The following KAZN variants were observed in gnomAD, a reference collection of about 807,000 sequenced individuals.
KAZN encodes the protein kazrin, periplakin interacting protein.
Under a neutral mutation model 87.4 loss-of-function variants are expected in KAZN, and 40 were observed. That is an observed-to-expected ratio of 0.46 (90% CI 0.36 to 0.60). The LOEUF (loss-of-function observed/expected upper bound fraction) is 0.60. Among genes scored for constraint, KAZN ranks in the 20% least tolerant of loss-of-function variants. The probability of loss-of-function intolerance (pLI) is 0.00; values close to 1 mark genes in which losing one functional copy is unlikely to be tolerated. For missense variants in KAZN, 898 were observed against 1,073.9 expected, an observed-to-expected ratio of 0.84 and a Z score of 2.29; for synonymous variants, 466 against 458.3, an observed-to-expected ratio of 1.02 and a Z score of -0.22.
intron 2 of KAZN, among the ~76,000 whole-genome samples, chr1:14,593,433 G>A (rs1263202589): frequency 6.6e-6 from 1 of 152,210 alleles, no homozygotes; most frequent in Non-Finnish European, 1.5e-5. Context: ...GGGGAGGGAC[G>A]GAGTAGTTTT....
intron 10 of KAZN, 43 bp from the exon 11 acceptor site, chr1:15,101,483 TCCGTCTGTTTCTGCCGC>T: frequency 8.6e-7 from 1 of 1,160,918 alleles, no homozygotes; most frequent in Non-Finnish European, 1.3e-6. Context: ...TTTCTGCCCG[TCCGTCTGTTTCTGCCGC>T]CTTTCCCCAC....
Position 14,653,601 on chromosome 1 carries a change from C to CA in KAZN, c.226+54384dup, listed in dbSNP as rs145356780. On this transcript the variant is annotated intron_variant, in intron 1 of 14. Transcript: ENST00000376030. ...CAGATTTGTTTAAAAGGATGAAAAA[C>CA]AAAAAACACTGTTCAAGCCAAACAA... Among the ~76,000 whole-genome samples the CA allele has an allele frequency of 3.9e-3, 588 of 152,226 alleles. 5 individuals carry two copies. The highest frequency in any genetic ancestry group is 0.014 in the African/African-American group (564 of 41,534).
chr1:14,221,824 C>T (rs1013637060), intron 2 of KAZN: 10 of 152,108 alleles, frequency 6.6e-5, no homozygotes, highest in Admixed American at 1.3e-4. Flanking sequence ...ATGCCCATGT[C>T]CCCTTAAATC....
At chr1:14,984,510 A>T (rs557586449) in intron 2 of KAZN, among the ~76,000 whole-genome samples, 11 of 152,330 alleles carry the variant, frequency 7.2e-5, no homozygotes, top group African/African-American at 2.6e-4. Context: ...TGGGGCCATC[A>T]TTATGCTCTT....
intron 2 of KAZN, among the ~76,000 whole-genome samples, chr1:14,338,731 A>G (rs544888165): frequency 6.6e-6 from 1 of 152,354 alleles, no homozygotes; most frequent in African/African-American, 2.4e-5. Context: ...AGGAAGCACC[A>G]AGGTCTTCTG....
At chr1:14,828,393 A>C (rs1052288960) in intron 1 of KAZN, among the ~76,000 whole-genome samples, 1 of 152,196 alleles carries the variant, frequency 6.6e-6, no homozygotes, top group Non-Finnish European at 1.5e-5. Context: ...TTAATGGAAA[A>C]CCGTGTTTAA....
chr1:14,774,178 G>C (rs1572447438), intron 1 of KAZN, among the ~76,000 whole-genome samples: 1 of 152,192 alleles, frequency 6.6e-6, no homozygotes, highest in Non-Finnish European at 1.5e-5. Context: ...GAGGCAGTCT[G>C]GGGGTGAAAC....
At chr1:14,687,140 T>G (rs978966302) in intron 1 of KAZN, among the ~76,000 whole-genome samples, 1 of 152,166 alleles carries the variant, frequency 6.6e-6, no homozygotes, top group Non-Finnish European at 1.5e-5. Flanking sequence ...TACCCTCCCT[T>G]ATTTTCACTG....
At chr1:14,019,437 G>C (rs7551030) in intron 1 of KAZN, among the ~76,000 whole-genome samples, 3,371 of 152,214 alleles carry the variant, frequency 0.022, 116 homozygotes, top group African/African-American at 0.076. Flanking sequence ...GGTATTTATG[G>C]TCACTCTTTT....
In KAZN at chr1:14,691,032, G is replaced by A. The variant is rs562200229; in HGVS notation, c.226+91809G>A. On this transcript the variant is annotated intron_variant, in intron 1 of 14. Coordinates refer to ENST00000376030, the MANE Select transcript of KAZN (RefSeq NM_201628.3). ...ATCTCAGGTGTATAGAGATAATTAT[G>A]TGGCAATTAAAGGCAAATGTATACT... is the stretch of plus-strand genomic sequence containing the variant. 3.0e-4 allele frequency among the ~76,000 whole-genome samples: 45 copies of A among 152,320 alleles called. 1 individual carries two copies. Among genetic ancestry groups the A allele is most frequent in the African/African-American group, 1.0e-3 (43 of 41,566 alleles).
At chr1:15,011,793 T>G (rs897119977) in intron 2 of KAZN, among the ~76,000 whole-genome samples, 1 of 152,144 alleles carries the variant, frequency 6.6e-6, no homozygotes, top group African/African-American at 2.4e-5. Flanking sequence ...TGTGTCCTCA[T>G]GTAGCCAACA....
intron 2 of KAZN, among the ~76,000 whole-genome samples, chr1:14,210,164 G>A (rs1215376301): frequency 6.6e-6 from 1 of 152,200 alleles, no homozygotes; most frequent in Non-Finnish European, 1.5e-5. Flanking sequence ...CACAGTGGGA[G>A]GTAATTGAAT....
intron 1 of KAZN, among the ~76,000 whole-genome samples, chr1:13,957,526 T>C (rs766654178): frequency 3.3e-5 from 5 of 152,056 alleles, no homozygotes; most frequent in Admixed American, 2.6e-4. Flanking sequence ...GTAATTTGCA[T>C]AGAAAAAAAT....
At chr1:14,014,611 C>T (rs938001195) in intron 1 of KAZN, among the ~76,000 whole-genome samples, 1 of 152,084 alleles carries the variant, frequency 6.6e-6, no homozygotes, top group African/African-American at 2.4e-5. Flanking sequence ...GGAAAAAAAT[C>T]AAAAGAAGAA....
At chr1:14,857,355 A>G (rs1650257596) in intron 1 of KAZN, among the ~76,000 whole-genome samples, 1 of 152,112 alleles carries the variant, frequency 6.6e-6, no homozygotes, top group South Asian at 2.1e-4. Context: ...TAGCCTTAGC[A>G]ACATAGTGAA....
At position 14,642,853 on chromosome 1, in the gene KAZN, C is replaced by G. The variant is rs544716945; in HGVS notation, c.226+43630C>G. ...AAATATAAGGGTTTAAAAAAAATGG[C>G]CTAAATGAAAAAGACAGACAATACT... is the stretch of plus-strand genomic sequence containing the variant. On this transcript the variant is annotated intron_variant, in intron 1 of 14. Transcript: ENST00000376030. Among the ~76,000 whole-genome samples, 93 of 152,138 alleles carry G rather than the reference C, an allele frequency of 6.1e-4. 1 individual carries two copies. The highest frequency in any genetic ancestry group is 2.2e-3 in the Admixed American group (33 of 15,284).
At position 15,012,660 on chromosome 1, in the gene KAZN, G is replaced by A. The variant is rs373141311; in HGVS notation, c.419-22089G>A. On this transcript the variant is annotated intron_variant, in intron 2 of 14. Transcript: ENST00000376030. The stretch of plus-strand genomic sequence containing the variant: ...ATCATGGCCCGGCGTGGTTGCTCAC[G>A]CCTGTAATCCCAGCACTTTAGGAGG... Among the ~76,000 whole-genome samples the A allele has an allele frequency of 1.8e-4, 28 of 152,300 alleles. No homozygotes were observed. The South Asian group carries it at 4.6e-3, about 25-fold the overall frequency.
intron 1 of KAZN, among the ~76,000 whole-genome samples, chr1:14,774,470 T>C (rs1302746016): frequency 4.2e-5 from 4 of 94,736 alleles, no homozygotes; most frequent in South Asian, 3.0e-4. Flanking sequence ...TTGAACAGAT[T>C]TTTTTTTTTT....
intron 2 of KAZN, among the ~76,000 whole-genome samples, chr1:15,011,686 TGA>T (rs955703326): frequency 1.3e-5 from 2 of 152,186 alleles, no homozygotes; most frequent in African/African-American, 4.8e-5. Flanking sequence ...CCCGGATGAA[TGA>T]GAGAATGAAC....
Sources: gnomAD v4.1 joint callset for allele counts (sites outside exome capture counted in the v4.1 genomes callset) on GRCh38, gnomAD v4.1.1 for gene constraint, MANE v1.5 for transcripts, NCBI Gene and HGNC (gene_info 2026-07-23, HGNC 2026-07-21) for gene names.